TMC8: variants seen among roughly 807,000 people sequenced by gnomAD.
TMC8 encodes transmembrane channel-like protein 8.
TMC8 carries 71 observed loss-of-function variants against 76.0 expected under a neutral mutation model. That is an observed-to-expected ratio of 0.93 (90% CI 0.77 to 1.14). The LOEUF (loss-of-function observed/expected upper bound fraction) is 1.14. TMC8 is among the 50% of genes most tolerant of loss of function. TMC8 has a pLI of 0.00. For missense variants in TMC8, 924 were observed against 947.9 expected, an observed-to-expected ratio of 0.97 and a Z score of 0.33; for synonymous variants, 433 against 433.8, an observed-to-expected ratio of 1.00 and a Z score of 0.02.
intron 4 of TMC8, 36 bp downstream of exon 4, chr17:78,132,544 G>T: frequency 6.3e-7 from 1 of 1,591,228 alleles, no homozygotes. Context: ...GTGCTCCGGT[G>T]CCCACCTGCG....
chr17:78,132,732 G>C (rs1036063128), intron 4 of TMC8, 56 bp from the exon 5 acceptor site: 91 of 1,580,212 alleles, frequency 5.8e-5, no homozygotes, highest in Non-Finnish European at 7.8e-5. Context: ...AGTAGCCGCA[G>C]AGCCTCACCT....
At chr17:78,132,754 A>C (rs1488876685) in intron 4 of TMC8, 34 bp from the exon 5 acceptor site, 1 of 1,601,276 alleles carries the variant, frequency 6.2e-7, no homozygotes, top group Non-Finnish European at 8.6e-7. Context: ...TGCCTTGGGG[A>C]TCCCTCTCTA....
At chr17:78,138,533 C>A in intron 13 of TMC8, 41 bp from the exon 14 acceptor site, 1 of 1,613,634 alleles carries the variant, frequency 6.2e-7, no homozygotes, top group Non-Finnish European at 8.5e-7. Flanking sequence ...GTTTCTCACC[C>A]AGGACCCTGA....
chr17:78,133,274 TG>T, intron 5 of TMC8, 131 bp from the exon 6 acceptor site: 2 of 1,435,194 alleles, frequency 1.4e-6, no homozygotes, highest in East Asian at 4.5e-5. Flanking sequence ...CGAACCTCTG[TG>T]GGCCCTTGTA....
Position 78,138,196 on chromosome 17 carries a change from C to T in TMC8, c.1533+8C>T. On this transcript the variant is annotated splice_region_variant and intron_variant, in intron 12 of 15. Coordinates refer to ENST00000318430, the MANE Select transcript of TMC8 (RefSeq NM_152468.5). ...ACCTTCTACATCAAGAAGGTGACGG[C>T]TCATGGCTGGGGGGTATGGGGTTCG... 6.2e-7 allele frequency: 1 copy of T among 1,613,826 alleles called. No individual in the cohort carries two copies. The highest frequency in any genetic ancestry group is 1.1e-5 in the South Asian group (1 of 91,082).
intron 14 of TMC8, 73 bp downstream of exon 14, chr17:78,138,805 G>T (rs1288591537): frequency 6.3e-7 from 1 of 1,590,426 alleles, no homozygotes; most frequent in Non-Finnish European, 8.5e-7. Flanking sequence ...GGGGTGGTGA[G>T]CCTGTGCACC....
rs1488337782 is a variant in TMC8, at chr17:78,142,632, G to A, written c.*1520G>A. ...GAAAGAGGGAGCTCTGTGTTCCATC[G>A]AGGGGGCGACAAGCCTGGACCAGAT... On this transcript the variant is annotated 3_prime_UTR_variant, in exon 16 of 16. Transcript: ENST00000318430. 1 of 152,350 alleles carries A rather than the reference G, an allele frequency of 6.6e-6. No individual in the cohort carries two copies. Among genetic ancestry groups the A allele is most frequent in the Non-Finnish European group, 1.5e-5 (1 of 68,132 alleles). 9.4% of individuals were successfully genotyped at this position (152,350 alleles called of 1,614,324 possible).
chr17:78,138,179 C>T lies in TMC8; in HGVS notation c.1524C>T (p.Tyr508=). The T allele has an allele frequency of 1.2e-6, 2 of 1,613,848 alleles. No individual in the cohort carries two copies. The highest frequency in any genetic ancestry group is 1.7e-6 in the Non-Finnish European group (2 of 1,179,966). ...GCGTCTTCCTCTTCCTCACCTTCTA[C>T]ATCAAGAAGGTGACGGCTCATGGCT... ...LNSVFLFLTF[Y]IKKYTLLKNS... The change falls in exon 12 of 16, where the codon TAC becomes TAT. Residue 508 remains tyrosine (Y), a synonymous_variant. Coordinates refer to ENST00000318430, the MANE Select transcript of TMC8 (RefSeq NM_152468.5).
At position 78,131,636 on chromosome 17, in the gene TMC8, G is replaced by C; in HGVS notation, c.48G>C (p.Pro16=). 1 of 1,555,534 alleles carries C rather than the reference G, an allele frequency of 6.4e-7. No individual in the cohort carries two copies. The highest frequency in any genetic ancestry group is 8.7e-7 in the Non-Finnish European group (1 of 1,150,874). ...CATCGGAGCGGGCCCCTGGGGTGCC[G>C]GAGCCGGAGGAGCTGTGGGAGGCAG... ...SVSSERAPGV[P]EPEELWEAEM... The change falls in exon 2 of 16, where the codon CCG becomes CCC. Residue 16 remains proline (P), a synonymous_variant. Transcript: ENST00000318430.
chr17:78,135,384 A>G (rs1167327956), intron 9 of TMC8, among the ~76,000 whole-genome samples: 1 of 152,178 alleles, frequency 6.6e-6, no homozygotes, highest in Non-Finnish European at 1.5e-5. Context: ...GTGACCCGTG[A>G]AGTCCAGACC....
intron 5 of TMC8, 144 bp from the exon 6 acceptor site, chr17:78,133,262 G>A: frequency 7.4e-7 from 1 of 1,343,144 alleles, no homozygotes; most frequent in South Asian, 1.2e-5. Flanking sequence ...TGGGCACGTT[G>A]CCGAACCTCT....
At chr17:78,133,639 TG>T in intron 6 of TMC8, 97 bp downstream of exon 6, 1 of 1,587,270 alleles carries the variant, frequency 6.3e-7, no homozygotes, top group Non-Finnish European at 8.5e-7. Flanking sequence ...GGAAGGCCCA[TG>T]GCCCGGCACA....
chr17:78,139,223 C>T lies in TMC8; in HGVS notation c.1885C>T (p.Arg629Trp), dbSNP rs377668539. The T allele has an allele frequency of 9.9e-6, 16 of 1,613,642 alleles. No individual in the cohort carries two copies. Among genetic ancestry groups the T allele is most frequent in the Non-Finnish European group, 1.3e-5 (15 of 1,180,028 alleles). ...QANARAIHRL[R>W]KQLVWQVQEK... ...CAATGCCAGGGCCATCCACAGGCTC[C>T]GGAAGCAGCTGGTGTGGGTGAGTGT... Residue 629 changes from arginine to tryptophan, a missense_variant, in exon 15 of 16, where the codon CGG becomes TGG. Physicochemically the swap from Arg to Trp is moderately radical, Grantham distance 101. Coordinates refer to ENST00000318430, the MANE Select transcript of TMC8 (RefSeq NM_152468.5).
intron 15 of TMC8, among the ~76,000 whole-genome samples, chr17:78,139,728 TAAAAAAAAAAA>T (rs34917993): frequency 3.0e-4 from 19 of 62,766 alleles, no homozygotes; most frequent in African/African-American, 6.5e-5. Flanking sequence ...CGTCTCTACT[TAAAAAAAAAAA>T]AAAAAAAAAA....
rs936106808 is a variant in TMC8, at chr17:78,142,295, C to A, written c.*1183C>A. Reference sequence around the variant, plus strand: ...TTTTCGAAGCTCCCAGGTGACTCACCGGCAGCTGGGGATGAGAACTGTCAG... The same window carrying A: ...TTTTCGAAGCTCCCAGGTGACTCACAGGCAGCTGGGGATGAGAACTGTCAG... On this transcript the variant is annotated 3_prime_UTR_variant, in exon 16 of 16. Transcript: ENST00000318430. 1 of 152,218 alleles carries A rather than the reference C, an allele frequency of 6.6e-6. No homozygotes were observed. 9.4% of individuals were successfully genotyped at this position (152,218 alleles called of 1,614,324 possible). A position where few individuals can be genotyped will look rare whatever the true frequency, so the allele number is the denominator to read the frequency against.
intron 15 of TMC8, among the ~76,000 whole-genome samples, chr17:78,139,854 G>A (rs1351813882): frequency 6.6e-6 from 1 of 151,550 alleles, no homozygotes; most frequent in Non-Finnish European, 1.5e-5. Context: ...CCAACATAGT[G>A]AAACCCCGTC....
intron 9 of TMC8, 53 bp from the exon 10 acceptor site, chr17:78,137,182 G>A: frequency 1.2e-6 from 2 of 1,609,030 alleles, no homozygotes; most frequent in Non-Finnish European, 1.7e-6. Flanking sequence ...CCTGGGTAGA[G>A]CCCGGTGCCC....
chr17:78,132,605 G>A, intron 4 of TMC8, 97 bp downstream of exon 4: 9 of 1,536,930 alleles, frequency 5.9e-6, no homozygotes, highest in Non-Finnish European at 7.9e-6. Flanking sequence ...CGCTGGGCGT[G>A]GTCCTGCCGT....
At chr17:78,132,965 AG>A in intron 5 of TMC8, 95 bp downstream of exon 5, 1 of 1,420,754 alleles carries the variant, frequency 7.0e-7, no homozygotes, top group Non-Finnish European at 9.9e-7. Context: ...CTGCTCCTCC[AG>A]GGACATTTCG....
Sources: allele counts gnomAD v4.1 joint callset (sites outside exome capture counted in the v4.1 genomes callset), GRCh38; gene constraint gnomAD v4.1.1; transcripts MANE v1.5; gene names NCBI Gene and HGNC (gene_info 2026-07-23, HGNC 2026-07-21).